Variants in PPARGC1A observed in about 807,000 individuals in gnomAD.
The protein encoded by PPARGC1A is PPARG coactivator 1 alpha, also known as peroxisome proliferator-activated receptor gamma coactivator 1-alpha.
A neutral mutation model predicts 88.7 loss-of-function variants in PPARGC1A; 25 were observed. That is an observed-to-expected ratio of 0.28 (90% CI 0.21 to 0.39). PPARGC1A has a LOEUF of 0.39. Among genes scored for constraint, PPARGC1A ranks in the 10% least tolerant of loss-of-function variants. PPARGC1A has a pLI of 1.00. For synonymous variants in PPARGC1A, 363 were observed against 355.6 expected (o/e 1.02, Z -0.24); for missense variants, 880 against 968.7 (o/e 0.91, Z 1.22).
chr4:24,431,170 A>G, the PPARGC1A span, among the ~76,000 whole-genome samples: 2 of 151,892 alleles, frequency 1.3e-5, no homozygotes, highest in African/African-American at 4.8e-5. Context: ...AAGAAAAGAC[A>G]AGAAAGTAGG....
At chr4:24,168,594 A>G in the PPARGC1A span, among the ~76,000 whole-genome samples, 61 of 152,008 alleles carry the variant, frequency 4.0e-4, no homozygotes, top group Non-Finnish European at 6.9e-4. Flanking sequence ...TTGTACTACA[A>G]GAAGGTGAGG....
At chr4:23,824,062 T>C (rs914772743) in intron 7 of PPARGC1A, among the ~76,000 whole-genome samples, 1 of 152,024 alleles carries the variant, frequency 6.6e-6, no homozygotes, top group African/African-American at 2.4e-5. Context: ...GCCTAAGAGC[T>C]CTTCAGTTAG....
At chr4:24,142,722 C>T in the PPARGC1A span, among the ~76,000 whole-genome samples, 1 of 151,950 alleles carries the variant, frequency 6.6e-6, no homozygotes, top group Non-Finnish European at 1.5e-5. Context: ...CAGGGAAGAT[C>T]TCACAGAGAT....
At chr4:24,460,979 A>C in the PPARGC1A span, among the ~76,000 whole-genome samples, 1 of 152,246 alleles carries the variant, frequency 6.6e-6, no homozygotes, top group Admixed American at 6.5e-5. Context: ...GCTGGAATGC[A>C]GTCATGTAAT....
the PPARGC1A span, among the ~76,000 whole-genome samples, chr4:24,421,908 C>T: frequency 6.6e-6 from 1 of 151,812 alleles, no homozygotes; most frequent in Admixed American, 6.6e-5. Context: ...ATAGAGAGCT[C>T]CTTATAAATT....
chr4:23,926,574 C>T, the PPARGC1A span, among the ~76,000 whole-genome samples: 1 of 152,204 alleles, frequency 6.6e-6, no homozygotes, highest in South Asian at 2.1e-4. Context: ...GAGCTGGCCC[C>T]TGCCCTGCCT....
intron 2 of PPARGC1A, among the ~76,000 whole-genome samples, chr4:23,845,229 T>C (rs1455532717): frequency 6.6e-6 from 1 of 152,112 alleles, no homozygotes; most frequent in Non-Finnish European, 1.5e-5. Context: ...CAGTGTTTTT[T>C]ACATTATGTA....
chr4:24,406,839 C>A, the PPARGC1A span, among the ~76,000 whole-genome samples: 1 of 152,184 alleles, frequency 6.6e-6, no homozygotes, highest in Non-Finnish European at 1.5e-5. Flanking sequence ...CATCCAGCAC[C>A]AAGATGGCTT....
At chr4:23,935,385 T>C in the PPARGC1A span, among the ~76,000 whole-genome samples, 23 of 152,218 alleles carry the variant, frequency 1.5e-4, no homozygotes, top group Non-Finnish European at 3.2e-4. Context: ...GGCTATTTTC[T>C]TGCTGCTTAC....
chr4:23,809,644 T>C (rs986627818), intron 10 of PPARGC1A, among the ~76,000 whole-genome samples: 1 of 152,192 alleles, frequency 6.6e-6, no homozygotes, highest in Non-Finnish European at 1.5e-5. Context: ...TGTATTGGTC[T>C]CAACATGTCC....
the PPARGC1A span, among the ~76,000 whole-genome samples, chr4:24,183,035 G>T: frequency 2.0e-5 from 3 of 152,142 alleles, no homozygotes; most frequent in East Asian, 5.8e-4. Flanking sequence ...GCTCGGAGAA[G>T]TGCTGAGAGG....
At chr4:24,459,972 T>C in the PPARGC1A span, among the ~76,000 whole-genome samples, 2 of 152,306 alleles carry the variant, frequency 1.3e-5, no homozygotes, top group East Asian at 1.9e-4. Flanking sequence ...TAAGAGATAT[T>C]TGTGTATTTT....
the PPARGC1A span, among the ~76,000 whole-genome samples, chr4:24,046,023 A>G: frequency 1.1e-4 from 17 of 152,324 alleles, no homozygotes; most frequent in East Asian, 3.1e-3. Context: ...AATAAATGTC[A>G]AATGAACAAA....
chr4:24,288,858 C>T, the PPARGC1A span, among the ~76,000 whole-genome samples: 4 of 152,176 alleles, frequency 2.6e-5, no homozygotes, highest in Non-Finnish European at 5.9e-5. Flanking sequence ...ATATTCCTCC[C>T]TCTTTTTAGT....
upstream of PPARGC1A, among the ~76,000 whole-genome samples, chr4:23,901,746 T>C (rs1377012504): frequency 3.9e-5 from 6 of 152,268 alleles, no homozygotes; most frequent in Non-Finnish European, 8.8e-5. Flanking sequence ...ATAAAGTCCA[T>C]TGTACCACCA....
chr4:23,867,067 A>G (rs1228815880), intron 2 of PPARGC1A, among the ~76,000 whole-genome samples: 2 of 152,178 alleles, frequency 1.3e-5, no homozygotes, highest in Admixed American at 6.5e-5. Context: ...TAAATAAATA[A>G]GAGGGTATTT....
At chr4:24,191,454 CT>C in the PPARGC1A span, among the ~76,000 whole-genome samples, 1 of 152,134 alleles carries the variant, frequency 6.6e-6, no homozygotes, top group Non-Finnish European at 1.5e-5. Flanking sequence ...TAAGCCAATG[CT>C]TTTTCCATTA....
At chr4:24,284,309 A>AAAAC in the PPARGC1A span, among the ~76,000 whole-genome samples, 5 of 152,040 alleles carry the variant, frequency 3.3e-5, no homozygotes, top group South Asian at 2.1e-4. Flanking sequence ...ACTCCATCTC[A>AAAAC]AAACAAACAA....
chr4:24,250,903 C>G, the PPARGC1A span, among the ~76,000 whole-genome samples: 1 of 152,206 alleles, frequency 6.6e-6, no homozygotes, highest in African/African-American at 2.4e-5. Flanking sequence ...AGTAGTCTCC[C>G]ATGGTAGCCC....
Sources: allele counts gnomAD v4.1 joint callset (sites outside exome capture counted in the v4.1 genomes callset), GRCh38; gene constraint gnomAD v4.1.1; transcripts MANE v1.5; gene names NCBI Gene and HGNC (gene_info 2026-07-23, HGNC 2026-07-21).